MELTF: variants seen among roughly 807,000 people sequenced by gnomAD.
The protein encoded by MELTF is melanotransferrin.
In MELTF, 67 loss-of-function variants were observed where a neutral mutation model predicts 83.7. That is an observed-to-expected ratio of 0.80 (90% CI 0.66 to 0.98). The LOEUF is 0.98. MELTF is among the 50% of genes least tolerant of loss of function. The probability of loss-of-function intolerance (pLI) is 0.00; values close to 1 mark genes in which losing one functional copy is unlikely to be tolerated. For missense variants in MELTF, 1,002 were observed against 1,035.6 expected, an observed-to-expected ratio of 0.97 and a Z score of 0.44; for synonymous variants, 462 against 447.6, an observed-to-expected ratio of 1.03 and a Z score of -0.41.
At chr3:197,028,124 G>A (rs1345709056) in intron 1 of MELTF, 5 of 565,532 alleles carry the variant, frequency 8.8e-6, no homozygotes, top group African/African-American at 1.9e-5. Context: ...GAGCACGGCT[G>A]CTGGCAAATG....
chr3:197,010,766 C>T lies in MELTF; in HGVS notation c.1262G>A (p.Ser421Asn), dbSNP rs751580914. The part of the protein sequence containing the change: ...QAEQVDAVTL[S>N]GEDIYTAGKT... ...CCCCGCCGTGTAAATGTCCTCGCCACTCAGGGTCACAGCGTCGACCTGCTC... is the reference window on the plus strand; with the variant it reads ...CCCCGCCGTGTAAATGTCCTCGCCATTCAGGGTCACAGCGTCGACCTGCTC... Residue 421 changes from serine to asparagine, a missense_variant, in exon 10 of 16, where the codon AGT becomes AAT. Transcript: ENST00000296350. The T allele has an allele frequency of 3.1e-6, 5 of 1,613,586 alleles. No individual in the cohort carries two copies. The highest frequency in any genetic ancestry group is 4.2e-6 in the Non-Finnish European group (5 of 1,180,044).
Position 197,029,511 on chromosome 3 carries a change from A to G in MELTF, c.49+143T>C. On this transcript the variant is annotated intron_variant, in intron 1 of 15. Coordinates refer to ENST00000296350, the MANE Select transcript of MELTF (RefSeq NM_005929.6). The surrounding 1 kb of genome is among the most constrained non-coding windows in gnomAD (Gnocchi z 6.5). ...AGTGCTAGTTCCCTCCGCCGTCCTC[A>G]CTCGACCCCGAGCCCCTGCCTCCCC... 1 of 583,394 alleles carries G rather than the reference A, an allele frequency of 1.7e-6. No homozygotes were observed. Among genetic ancestry groups the G allele is most frequent in the Non-Finnish European group, 2.5e-6 (1 of 397,474 alleles). The allele number at this position is 583,394 out of a possible 1,614,324, so 36.1% of individuals were successfully genotyped here.
chr3:197,026,762 G>A lies in MELTF; in HGVS notation c.205-3C>T. The A allele has an allele frequency of 6.2e-7, 1 of 1,611,036 alleles. No individual in the cohort carries two copies. The highest frequency in any genetic ancestry group is 8.5e-7 in the Non-Finnish European group (1 of 1,179,676). ...GTGATGGCGTCAGCCTCCTGGGCCT[G>A]CAAGGAAATGTGGCTCAGCCAAGCC... is the stretch of plus-strand genomic sequence containing the variant. On this transcript the variant is annotated splice_polypyrimidine_tract_variant and splice_region_variant and intron_variant, in intron 2 of 15. Coordinates refer to ENST00000296350, the MANE Select transcript of MELTF (RefSeq NM_005929.6).
Position 197,016,362 on chromosome 3 carries a change from A to G in MELTF, c.908T>C (p.Phe303Ser), listed in dbSNP as rs537040591. ...FRLLNEGQRL[F>S]SHEGSSFQMF... ...CTGGAAGCTGCTGCCCTCGTGGCTG[A>G]ACAGACGCTGTGTGTCAAGGGGTGT... The change falls in exon 8 of 16, where the codon TTC becomes TCC. Residue 303 changes from phenylalanine to serine, a missense_variant. Coordinates refer to ENST00000296350, the MANE Select transcript of MELTF (RefSeq NM_005929.6). 3.8e-6 allele frequency: 6 copies of G among 1,588,010 alleles called. No homozygotes were observed. In the South Asian group the frequency reaches 7.0e-5, roughly 18 times the overall value.
chr3:197,024,346 C>T lies in MELTF; in HGVS notation c.444G>A (p.Val148=), dbSNP rs1314994177. Residue 148 remains valine (V), a synonymous_variant, in exon 4 of 16, where the codon GTG becomes GTA. Coordinates refer to ENST00000296350, the MANE Select transcript of MELTF (RefSeq NM_005929.6). The surrounding 1 kb of genome is among the most constrained non-coding windows in gnomAD (Gnocchi z 5.3). ...CCATCACCGAGAGGCGGCCGCTCTC[C>T]ACCAGGTAGCCCACGGGCACGTTCC... ...VGWNVPVGYL[V]ESGRLSVMGC... is the part of the protein sequence containing the mutation. The T allele has an allele frequency of 2.5e-6, 4 of 1,597,786 alleles. No individual in the cohort carries two copies. The East Asian group carries it at 6.8e-5, about 27-fold the overall frequency.
At chr3:197,020,486 C>A (rs1374504825) in intron 6 of MELTF, among the ~76,000 whole-genome samples, 1 of 143,112 alleles carries the variant, frequency 7.0e-6, no homozygotes, top group Non-Finnish European at 1.5e-5. Flanking sequence ...TCAGAACACA[C>A]ACGCACACAC....
rs1317941974 is a variant in MELTF at position 197,017,753 on chromosome 3, T to C, written c.713-463A>G. Among the ~76,000 whole-genome samples the C allele has an allele frequency of 9.2e-5, 14 of 152,186 alleles. No homozygotes were observed. In the South Asian group the frequency reaches 2.7e-3, roughly 29 times the overall value. ...TTAGCTGGGCGTGGTGGCGGGCGCC[T>C]GTAATCCCAGCTACTGGGGAGGCTG... On this transcript the variant is annotated intron_variant, in intron 6 of 15. Transcript: ENST00000296350.
Position 197,022,268 on chromosome 3 carries a change from G to A in MELTF, c.644+689C>T, listed in dbSNP as rs1049943761. On this transcript the variant is annotated intron_variant, in intron 5 of 15. Coordinates refer to ENST00000296350, the MANE Select transcript of MELTF (RefSeq NM_005929.6). This position sits in a 1 kb window ranked among gnomAD's most constrained non-coding sequence, Gnocchi z 5.1. ...GGGCGACATCAGGAGAGGGCTCTGA[G>A]GCTCCAAGAGAGCCAGAGAGAATGT... Among the ~76,000 whole-genome samples the A allele has an allele frequency of 6.6e-6, 1 of 152,144 alleles. No individual in the cohort carries two copies. The highest frequency in any genetic ancestry group is 2.4e-5 in the African/African-American group (1 of 41,424).
intron 6 of MELTF, among the ~76,000 whole-genome samples, chr3:197,018,188 C>T (rs1283127892): frequency 6.6e-6 from 1 of 152,214 alleles, no homozygotes; most frequent in Non-Finnish European, 1.5e-5. Flanking sequence ...GGCCCTTTCG[C>T]CCAGGCTGGA....
chr3:197,023,555 C>G (rs536965628), intron 4 of MELTF, among the ~76,000 whole-genome samples: 34 of 152,276 alleles, frequency 2.2e-4, no homozygotes, highest in African/African-American at 7.7e-4. Flanking sequence ...TCACGGGGGA[C>G]GAGGTCAGGG....
chr3:197,022,995 G>T lies in MELTF; in HGVS notation c.606C>A (p.Ser202Arg), dbSNP rs986779484. 6.2e-7 allele frequency: 1 copy of T among 1,613,448 alleles called. No homozygotes were observed. The highest frequency in any genetic ancestry group is 1.3e-5 in the African/African-American group (1 of 75,014). Residue 202 changes from serine to arginine, a missense_variant, in exon 5 of 16, where the codon AGC (serine) becomes AGA (arginine). Transcript: ENST00000296350. This position sits in a 1 kb window ranked among gnomAD's most constrained non-coding sequence, Gnocchi z 5.1. ...TGTAGTCGTAGTATCTCTCCAGGGG[G>T]CTCTTGTCACACACCCCTTCCCCAG... is the stretch of plus-strand genomic sequence containing the variant. ...DSSGEGVCDK[S>R]PLERYYDYSG... is the part of the protein sequence containing the mutation.
rs764092583 is a variant in MELTF, at chr3:197,023,050, G to T, written c.551C>A (p.Ser184Tyr). The T allele has an allele frequency of 2.0e-5, 32 of 1,613,712 alleles. No individual in the cohort carries two copies. The highest frequency in any genetic ancestry group is 2.5e-5 in the Non-Finnish European group (30 of 1,179,996). ...PGAGETSYSE[S>Y]LCRLCRGDSS... ...GTCACCCCTGCAGAGGCGACAGAGG[G>T]ACTCAGAGTAACTGGTCTCTCCTGC... is the stretch of plus-strand genomic sequence containing the variant. The change falls in exon 5 of 16, where the codon TCC becomes TAC. Residue 184 changes from serine to tyrosine, a missense_variant. Physicochemically the swap from Ser to Tyr is moderately radical, Grantham distance 144 (BLOSUM62 -2). Transcript: ENST00000296350.
intron 6 of MELTF, among the ~76,000 whole-genome samples, chr3:197,020,848 T>C (rs1719595418): frequency 6.6e-6 from 1 of 152,140 alleles, no homozygotes; most frequent in African/African-American, 2.4e-5. Context: ...TTTTGTATTT[T>C]AGCAGAGATA....
chr3:197,002,605 G>T lies in MELTF; in HGVS notation c.*767C>A, dbSNP rs929784711. On this transcript the variant is annotated 3_prime_UTR_variant, in exon 16 of 16. Coordinates refer to ENST00000296350, the MANE Select transcript of MELTF (RefSeq NM_005929.6). ...ACCTCCGGCTCCCTTCAGGCGGGGG[G>T]CGGCTGCTGCCGCCAGGCTCGGGCG... The T allele has an allele frequency of 6.6e-6, 1 of 152,280 alleles. No individual in the cohort carries two copies. The highest frequency in any genetic ancestry group is 6.5e-5 in the Admixed American group (1 of 15,284). 9.4% of individuals were successfully genotyped at this position (152,280 alleles called of 1,614,324 possible).
At position 197,003,160 on chromosome 3, in the gene MELTF, C is replaced by G. The variant is rs925763269; in HGVS notation, c.*212G>C. ...CCGCGCGGCTCCAGGTGGCGGGAGG[C>G]GGCGGTTGGCGGGAAGGGCCGCGCG... On this transcript the variant is annotated 3_prime_UTR_variant, in exon 16 of 16. Transcript: ENST00000296350. The surrounding 1 kb of genome is among the most constrained non-coding windows in gnomAD (Gnocchi z 6.2). 1 of 343,402 alleles carries G rather than the reference C, an allele frequency of 2.9e-6. No homozygotes were observed. The highest frequency in any genetic ancestry group is 4.1e-6 in the Non-Finnish European group (1 of 241,824). The allele number at this position is 343,402 out of a possible 1,614,324, so 21.3% of individuals were successfully genotyped here. A position where few individuals can be genotyped will look rare whatever the true frequency, so the allele number is the denominator to read the frequency against.
chr3:197,011,317 C>T lies in MELTF; in HGVS notation c.1234-523G>A, dbSNP rs944442067. Among the ~76,000 whole-genome samples the T allele has an allele frequency of 2.0e-5, 3 of 152,198 alleles. No individual in the cohort carries two copies. The highest frequency in any genetic ancestry group is 2.9e-5 in the Non-Finnish European group (2 of 68,022). ...AGGGATGGAGCTCTGCCTGCGGAGG[C>T]GCGGGAGGGTCCAGTGCCTTCTTCC... On this transcript the variant is annotated intron_variant, in intron 9 of 15. Transcript: ENST00000296350. This position sits in a 1 kb window ranked among gnomAD's most constrained non-coding sequence, Gnocchi z 4.2.
At chr3:197,017,006 C>T in intron 7 of MELTF, 97 bp downstream of exon 7, 9 of 1,343,932 alleles carry the variant, frequency 6.7e-6, no homozygotes, top group Non-Finnish European at 9.2e-6. Context: ...AGGACAGTCT[C>T]TGGGTCCTGC....
At chr3:197,021,167 GCC>G in intron 6 of MELTF, 1 of 527,740 alleles carries the variant, frequency 1.9e-6, no homozygotes, top group Non-Finnish European at 3.3e-6. Context: ...CTGCTCGCTG[GCC>G]CCCTTCTCCT....
At chr3:197,004,504 A>C in intron 14 of MELTF, 1 of 226,848 alleles carries the variant, frequency 4.4e-6, no homozygotes, top group South Asian at 5.9e-5. Flanking sequence ...ATATCTCCCC[A>C]CAAACCTAAA....
Sources: allele counts gnomAD v4.1 joint callset (sites outside exome capture counted in the v4.1 genomes callset), GRCh38; gene constraint gnomAD v4.1.1; non-coding constraint Gnocchi (gnomAD v3.1); transcripts MANE v1.5; gene names NCBI Gene and HGNC (gene_info 2026-07-23, HGNC 2026-07-21).